Variants in HMGA2 observed in about 807,000 individuals in gnomAD.
HMGA2 encodes the protein high mobility group AT-hook 2, also known as high mobility group protein HMGI-C.
In HMGA2, 8 loss-of-function variants were observed where a neutral mutation model predicts 19.1. The observed-to-expected ratio is 0.42, with a 90% CI of 0.25 to 0.76. HMGA2 has a LOEUF of 0.76. Among genes scored for constraint, HMGA2 ranks in the 30% least tolerant of loss-of-function variants. The pLI, the probability that HMGA2 is intolerant of heterozygous loss-of-function variation, is 0.28. For missense variants in HMGA2, 109 were observed against 136.3 expected, an observed-to-expected ratio of 0.80 and a Z score of 1.00; for synonymous variants, 60 against 48.8, an observed-to-expected ratio of 1.23 and a Z score of -0.96.
At chr12:65,844,050 C>CAAAAA (rs3048828) in intron 3 of HMGA2, among the ~76,000 whole-genome samples, 6 of 79,748 alleles carry the variant, frequency 7.5e-5, no homozygotes, top group African/African-American at 2.2e-4. Flanking sequence ...GACTCCATCT[C>CAAAAA]AAAAAAAAAA....
chr12:65,903,026 C>T (rs193051618), intron 3 of HMGA2, among the ~76,000 whole-genome samples: 341 of 151,982 alleles, frequency 2.2e-3, no homozygotes, highest in Non-Finnish European at 3.9e-3. Flanking sequence ...ATACATTATT[C>T]GTATATATTG....
At chr12:65,883,882 T>G (rs537870144) in intron 3 of HMGA2, among the ~76,000 whole-genome samples, 1 of 152,364 alleles carries the variant, frequency 6.6e-6, no homozygotes, top group East Asian at 1.9e-4. Context: ...TTTGTTAGTT[T>G]GAGACGCAGT....
intron 3 of HMGA2, among the ~76,000 whole-genome samples, chr12:65,916,270 ATACTT>A (rs1875097387): frequency 6.6e-6 from 1 of 152,218 alleles, no homozygotes; most frequent in Admixed American, 6.5e-5. Flanking sequence ...AGGTAGAAGA[ATACTT>A]TAATATAAAA....
chr12:65,951,834 A>G (rs1159860108), intron 4 of HMGA2: 4 of 168,718 alleles, frequency 2.4e-5, no homozygotes, highest in Non-Finnish European at 5.0e-5. Flanking sequence ...GAACAATTTC[A>G]TAATATTTGA....
intron 3 of HMGA2, among the ~76,000 whole-genome samples, chr12:65,878,121 A>G (rs1311564714): frequency 6.6e-6 from 1 of 152,192 alleles, no homozygotes; most frequent in Non-Finnish European, 1.5e-5. Context: ...TTTTACCTGG[A>G]AGCGCCATTC....
intron 1 of HMGA2, chr12:65,826,387 G>T (rs2120818282): frequency 6.6e-6 from 1 of 152,430 alleles, no homozygotes; most frequent in East Asian, 1.9e-4. Context: ...AGCCGCGGCG[G>T]GCAGAGTTGG....
intron 1 of HMGA2, among the ~76,000 whole-genome samples, chr12:65,827,757 A>T (rs1430945706): frequency 6.6e-6 from 1 of 152,186 alleles, no homozygotes; most frequent in Non-Finnish European, 1.5e-5. Flanking sequence ...TTACCATTTT[A>T]GGTTTGAAGT....
At chr12:65,904,794 C>T (rs1874515526) in intron 3 of HMGA2, among the ~76,000 whole-genome samples, 1 of 151,908 alleles carries the variant, frequency 6.6e-6, no homozygotes, top group African/African-American at 2.4e-5. Context: ...AAATTTTTTT[C>T]ACTTTGGGAG....
At chr12:65,935,159 T>A (rs2121277809) in intron 3 of HMGA2, 1 of 152,346 alleles carries the variant, frequency 6.6e-6, no homozygotes, top group East Asian at 1.9e-4. Flanking sequence ...AAAATTAGAT[T>A]GTTCCAACAT....
At chr12:65,904,080 T>C (rs577030105) in intron 3 of HMGA2, among the ~76,000 whole-genome samples, 22 of 152,370 alleles carry the variant, frequency 1.4e-4, no homozygotes, top group African/African-American at 4.1e-4. Context: ...TGTACAGTAA[T>C]TTGTAAAGCA....
chr12:65,938,316 T>C (rs988714844), intron 3 of HMGA2, among the ~76,000 whole-genome samples: 1 of 152,190 alleles, frequency 6.6e-6, no homozygotes, highest in African/African-American at 2.4e-5. Flanking sequence ...GTAAATAATA[T>C]CCTTATTATT....
intron 3 of HMGA2, among the ~76,000 whole-genome samples, chr12:65,839,145 T>C (rs969762789): frequency 4.6e-5 from 7 of 152,040 alleles, no homozygotes; most frequent in Non-Finnish European, 8.8e-5. Flanking sequence ...ATTCTCCACA[T>C]GCAAACATTA....
At chr12:65,931,761 C>G (rs745412170) in intron 3 of HMGA2, among the ~76,000 whole-genome samples, 3 of 152,054 alleles carry the variant, frequency 2.0e-5, no homozygotes, top group Non-Finnish European at 4.4e-5. Flanking sequence ...GAAATATTTA[C>G]CAAACCCAAG....
chr12:65,961,495 G>A (rs1435311584), intron 4 of HMGA2, among the ~76,000 whole-genome samples: 1 of 152,130 alleles, frequency 6.6e-6, no homozygotes, highest in Non-Finnish European at 1.5e-5. Context: ...GAGTTAAAGG[G>A]GAGGTAGCCT....
At position 65,825,651 on chromosome 12, in the gene HMGA2, T is replaced by C. The variant is rs1019503546; in HGVS notation, c.111+270T>C. 4.6e-5 allele frequency among the ~76,000 whole-genome samples: 7 copies of C among 151,764 alleles called. No homozygotes were observed. The highest frequency in any genetic ancestry group is 2.0e-4 in the Admixed American group (3 of 15,254). On this transcript the variant is annotated intron_variant, in intron 1 of 4. Coordinates refer to ENST00000403681, the MANE Select transcript of HMGA2 (RefSeq NM_003483.6). This position sits in a 1 kb window ranked among gnomAD's most constrained non-coding sequence, Gnocchi z 4.4. The stretch of plus-strand genomic sequence containing the variant: ...TCGGGCGAAGCGCGTCCTCGGACTT[T>C]CGCTATTGTGCACGGCCCCGAGTGG...
chr12:65,922,154 C>T (rs1339984554), intron 3 of HMGA2, among the ~76,000 whole-genome samples: 1 of 152,182 alleles, frequency 6.6e-6, no homozygotes, highest in African/African-American at 2.4e-5. Context: ...GGGACACTGC[C>T]TAGTGGAGCT....
intron 1 of HMGA2, 82 bp from the exon 2 acceptor site, chr12:65,827,919 C>A (rs1408093713): frequency 3.1e-6 from 3 of 960,452 alleles, no homozygotes; most frequent in African/African-American, 1.6e-5. Context: ...GCAGCACATG[C>A]AGAAAATATA....
At chr12:65,847,852 A>G (rs1871293451) in intron 3 of HMGA2, among the ~76,000 whole-genome samples, 1 of 152,186 alleles carries the variant, frequency 6.6e-6, no homozygotes, top group Non-Finnish European at 1.5e-5. Context: ...GTTTTTCTTT[A>G]GTGTGTATAA....
chr12:65,827,994 C>T lies in HMGA2; in HGVS notation c.112-7C>T. 1 of 1,605,792 alleles carries T rather than the reference C, an allele frequency of 6.2e-7. No homozygotes were observed. Among genetic ancestry groups the T allele is most frequent in the Non-Finnish European group, 8.5e-7 (1 of 1,172,682 alleles). On this transcript the variant is annotated splice_region_variant and splice_polypyrimidine_tract_variant and intron_variant, in intron 1 of 4. Transcript: ENST00000403681. ...CACAACAGCATTTTTTTTTCCCTCA[C>T]AATTAGGAACCAACCGGTGAGCCCT...
Sources: allele counts gnomAD v4.1 joint callset (sites outside exome capture counted in the v4.1 genomes callset), GRCh38; gene constraint gnomAD v4.1.1; non-coding constraint Gnocchi (gnomAD v3.1); transcripts MANE v1.5; gene names NCBI Gene and HGNC (gene_info 2026-07-23, HGNC 2026-07-21).